The following UTP20 variants were observed in gnomAD, a reference collection of about 807,000 sequenced individuals.
UTP20 encodes the protein UTP20 small subunit processome component.
In UTP20, 164 loss-of-function variants were observed where a neutral mutation model predicts 329.5. That is an observed-to-expected ratio of 0.50 (90% CI 0.44 to 0.57). UTP20 has a LOEUF of 0.57. UTP20 is among the 20% of genes least tolerant of loss of function. The probability of loss-of-function intolerance (pLI) is 0.00; values close to 1 mark genes in which losing one functional copy is unlikely to be tolerated. For synonymous variants in UTP20, 1,151 were observed against 1,159.3 expected, an observed-to-expected ratio of 0.99 and a Z score of 0.14; for missense variants, 3,055 against 3,284.2, an observed-to-expected ratio of 0.93 and a Z score of 1.71.
chr12:101,375,489 AGGATCATCTG>A (rs71947883), intron 55 of UTP20, 125 bp from the exon 56 acceptor site: 11,629 of 834,488 alleles, frequency 0.014, 251 homozygotes, highest in East Asian at 0.08. Flanking sequence ...CCCACAGGAA[AGGATCATCTG>A]GCCCACAATG....
chr12:101,368,114 T>C (rs762229825), intron 48 of UTP20, 138 bp downstream of exon 48: 9 of 626,384 alleles, frequency 1.4e-5, no homozygotes, highest in Non-Finnish European at 2.5e-5. Flanking sequence ...GTGGGTTTTT[T>C]GGGGTTTTTG....
At chr12:101,286,612 T>G in intron 5 of UTP20, 103 bp downstream of exon 5, 1 of 971,206 alleles carries the variant, frequency 1.0e-6, no homozygotes, top group Non-Finnish European at 1.4e-6. Context: ...CCTAATTGTT[T>G]CCATGTACAA....
At chr12:101,372,233 A>G (rs1179490729) in intron 51 of UTP20, among the ~76,000 whole-genome samples, 3 of 152,204 alleles carry the variant, frequency 2.0e-5, no homozygotes, top group Admixed American at 6.5e-5. Context: ...TAGTTCTCAC[A>G]GTTTATTAAT....
intron 25 of UTP20, among the ~76,000 whole-genome samples, chr12:101,325,781 A>G (rs1234589044): frequency 6.6e-6 from 1 of 152,234 alleles, no homozygotes; most frequent in Non-Finnish European, 1.5e-5. Flanking sequence ...ACTTCAAGGA[A>G]AACAACTGTC....
chr12:101,300,152 A>C (rs1872481458), intron 14 of UTP20, 91 bp downstream of exon 14: 3 of 1,266,526 alleles, frequency 2.4e-6, no homozygotes, highest in Non-Finnish European at 3.4e-6. Flanking sequence ...AATAATACTT[A>C]CATTGTGTTC....
At chr12:101,357,148 T>A (rs1869752454) in intron 43 of UTP20, 66 bp downstream of exon 43, 14 of 1,453,288 alleles carry the variant, frequency 9.6e-6, no homozygotes, top group Non-Finnish European at 1.2e-5. Flanking sequence ...GCTTGAACAC[T>A]GTAAGTTATG....
In UTP20 at chr12:101,293,955, T is replaced by G. The variant is rs118090898; in HGVS notation, c.1251+710T>G. Among the ~76,000 whole-genome samples the G allele has an allele frequency of 2.4e-4, 36 of 152,340 alleles. 1 individual carries two copies. The East Asian group carries it at 6.9e-3, about 29-fold the overall frequency. ...TGTAGTTTAGGAAGACAAACCAGGT[T>G]AAATGGCAGTCATTTGTTTTCTGCT... On this transcript the variant is annotated intron_variant, in intron 11 of 61. Transcript: ENST00000261637.
chr12:101,290,956 T>A (rs1024961214), intron 8 of UTP20, 68 bp downstream of exon 8: 5 of 1,513,064 alleles, frequency 3.3e-6, no homozygotes, highest in Non-Finnish European at 3.6e-6. Flanking sequence ...CTGCTCTCAG[T>A]TTTGCAAATC....
rs150422308 is a variant in UTP20 at position 101,369,853 on chromosome 12, A to G, written c.6517A>G (p.Arg2173Gly). 1,851 of 1,614,050 alleles carry G rather than the reference A, an allele frequency of 1.1e-3. 43 individuals are homozygous for G. In the South Asian group the frequency reaches 0.018, roughly 16 times the overall value. Residue 2173 changes from arginine to glycine, a missense_variant, in exon 49 of 62, where the codon AGG (arginine) becomes GGG (glycine). By Grantham distance (125) the Arg-to-Gly change is moderately radical. Around this residue, in one of 3 missense-constraint regions of UTP20, gnomAD observed 2,445 missense variants for 2,575.5 expected, o/e 0.95. Coordinates refer to ENST00000261637, the MANE Select transcript of UTP20 (RefSeq NM_014503.3). ...GGACTATGCAAAGCTCGGGGCCGCC[A>G]GGGGCCAGAACTTCCACCTTGTGGT... ...LKDYAKLGAA[R>G]GQNFHLVVNC...
At chr12:101,385,833 G>A (rs893064532) in intron 61 of UTP20, 105 bp downstream of exon 61, 55 of 1,500,106 alleles carry the variant, frequency 3.7e-5, no homozygotes, top group African/African-American at 2.3e-4. Flanking sequence ...GGGTTTGAGC[G>A]GTTGGGGACT....
Position 101,282,195 on chromosome 12 carries a change from A to G in UTP20, c.126+999A>G, listed in dbSNP as rs559454200. On this transcript the variant is annotated intron_variant, in intron 2 of 61. Coordinates refer to ENST00000261637, the MANE Select transcript of UTP20 (RefSeq NM_014503.3). The stretch of plus-strand genomic sequence containing the variant: ...CCACTGTGTAAATTCAATGTGTTAA[A>G]TGATGTCGTCTAGGTGAGCACATTG... Among the ~76,000 whole-genome samples, 5 of 152,338 alleles carry G rather than the reference A, an allele frequency of 3.3e-5. No homozygotes were observed. The South Asian group carries it at 6.2e-4, about 19-fold the overall frequency.
chr12:101,296,915 C>G (rs989836379), intron 12 of UTP20, among the ~76,000 whole-genome samples: 1 of 152,158 alleles, frequency 6.6e-6, no homozygotes, highest in African/African-American at 2.4e-5. Flanking sequence ...TATCATTTCT[C>G]AAATAGTTAA....
intron 29 of UTP20, among the ~76,000 whole-genome samples, chr12:101,337,573 C>T (rs1868973720): frequency 6.6e-6 from 1 of 152,160 alleles, no homozygotes; most frequent in Non-Finnish European, 1.5e-5. Flanking sequence ...AATCAATAAA[C>T]GTTTGTTTGG....
At chr12:101,357,559 TGG>T (rs1869763489) in intron 43 of UTP20, among the ~76,000 whole-genome samples, 1 of 152,178 alleles carries the variant, frequency 6.6e-6, no homozygotes, top group Non-Finnish European at 1.5e-5. Flanking sequence ...AAGACCAGCC[TGG>T]TTAACATAGT....
At chr12:101,359,055 G>GT (rs1431537222) in intron 43 of UTP20, among the ~76,000 whole-genome samples, 2 of 151,902 alleles carry the variant, frequency 1.3e-5, no homozygotes, top group Admixed American at 6.6e-5. Context: ...GTATTTCTTT[G>GT]TTTTTTTGTT....
At chr12:101,296,139 G>A (rs1477277650) in intron 12 of UTP20, among the ~76,000 whole-genome samples, 2 of 152,214 alleles carry the variant, frequency 1.3e-5, no homozygotes, top group Non-Finnish European at 2.9e-5. Context: ...TCAGTTGTAT[G>A]TGCACTCATC....
Position 101,338,415 on chromosome 12 carries a change from T to A in UTP20, c.3868+138T>A. ...GTTTCTTTTCCCTGGGAACTAATAC[T>A]AATTTATATAAACTGAATTTTCTTT... is the stretch of plus-strand genomic sequence containing the variant. On this transcript the variant is annotated intron_variant, in intron 30 of 61. Coordinates refer to ENST00000261637, the MANE Select transcript of UTP20 (RefSeq NM_014503.3). The A allele has an allele frequency of 2.6e-6, 2 of 780,170 alleles. 1 individual carries two copies. The allele number at this position is 780,170 out of a possible 1,614,324, so 48.3% of individuals were successfully genotyped here.
chr12:101,361,197 T>G (rs1474064232), intron 43 of UTP20, among the ~76,000 whole-genome samples: 1 of 152,242 alleles, frequency 6.6e-6, no homozygotes, highest in Non-Finnish European at 1.5e-5. Context: ...TGTAGTAAGC[T>G]CTCAGAAAAC....
Position 101,308,353 on chromosome 12 carries a change from G to C in UTP20, c.2154+10G>C. 1.4e-6 allele frequency: 2 copies of C among 1,438,194 alleles called. No homozygotes were observed. Among genetic ancestry groups the C allele is most frequent in the East Asian group, 5.3e-5 (2 of 37,996 alleles). The allele number at this position is 1,438,194 out of a possible 1,614,324, so 89.1% of individuals were successfully genotyped here. ...TGGGCCGTTACAGGAGGTAAAAATA[G>C]TGTTCTTTTATTTTTCCTTTTTAAT... On this transcript the variant is annotated intron_variant, in intron 18 of 61. Coordinates refer to ENST00000261637, the MANE Select transcript of UTP20 (RefSeq NM_014503.3).
Sources: allele counts gnomAD v4.1 joint callset (sites outside exome capture counted in the v4.1 genomes callset), GRCh38; gene constraint gnomAD v4.1.1; regional missense constraint gnomAD v4.1.1; transcripts MANE v1.5; gene names NCBI Gene and HGNC (gene_info 2026-07-23, HGNC 2026-07-21).